The following TENM3 variants were observed in gnomAD, a reference collection of about 807,000 sequenced individuals.
TENM3 encodes the protein teneurin-3.
In TENM3, 63 loss-of-function variants were observed where a neutral mutation model predicts 255.1. That is an observed-to-expected ratio of 0.25 (90% CI 0.20 to 0.30). TENM3 has a LOEUF of 0.30. Ranked by LOEUF, TENM3 falls within the 10% of genes least tolerant of loss-of-function variation. TENM3 has a pLI of 1.00. For missense variants in TENM3, 2,929 were observed against 3,461.1 expected (o/e 0.85, Z 3.86); for synonymous variants, 1,306 against 1,322.3 (o/e 0.99, Z 0.27).
chr4:182,796,831 A>T (rs1438126937), intron 27 of TENM3, 64 bp downstream of exon 27: 1 of 1,304,100 alleles, frequency 7.7e-7, no homozygotes, highest in African/African-American at 1.5e-5. Flanking sequence ...CCCATATCTA[A>T]TCAAACTACC....
At chr4:182,190,387 G>A (rs1391817967) in intron 1 of TENM3, 2 of 152,248 alleles carry the variant, frequency 1.3e-5, no homozygotes, top group East Asian at 1.9e-4. Context: ...TTCTTTCTGC[G>A]TACCTCCCGT....
chr4:181,521,015 G>A, the TENM3 span, among the ~76,000 whole-genome samples: 15 of 152,266 alleles, frequency 9.9e-5, no homozygotes, highest in Admixed American at 3.9e-4. Context: ...CCTCTGTTGC[G>A]TGTAGGTCTC....
the TENM3 span, among the ~76,000 whole-genome samples, chr4:181,623,773 G>A: frequency 2.6e-5 from 4 of 152,218 alleles, no homozygotes; most frequent in Non-Finnish European, 4.4e-5. Flanking sequence ...TGTACAAGCA[G>A]TGTTTTGATG....
chr4:182,519,878 T>A (rs902206506), intron 3 of TENM3, among the ~76,000 whole-genome samples: 12 of 152,124 alleles, frequency 7.9e-5, no homozygotes, highest in Non-Finnish European at 1.6e-4. Context: ...ATACAGTTGT[T>A]GTATTTGGGA....
At chr4:181,462,915 C>A in the TENM3 span, among the ~76,000 whole-genome samples, 1 of 152,200 alleles carries the variant, frequency 6.6e-6, no homozygotes, top group African/African-American at 2.4e-5. Flanking sequence ...ATCCCTGTGA[C>A]CTCAGTACTA....
At chr4:182,188,528 T>G (rs1753312956) in intron 1 of TENM3, among the ~76,000 whole-genome samples, 1 of 152,214 alleles carries the variant, frequency 6.6e-6, no homozygotes, top group African/African-American at 2.4e-5. Context: ...TGATATTTTT[T>G]GGTTTTGTTT....
chr4:181,726,793 C>G, the TENM3 span, among the ~76,000 whole-genome samples: 1 of 152,180 alleles, frequency 6.6e-6, no homozygotes, highest in African/African-American at 2.4e-5. Context: ...CCCCCACTTC[C>G]AAATTTCTGA....
the TENM3 span, among the ~76,000 whole-genome samples, chr4:181,830,573 C>G: frequency 1.3e-5 from 2 of 152,076 alleles, no homozygotes; most frequent in Non-Finnish European, 2.9e-5. Context: ...GTGCCCTGCC[C>G]CAGCTTGCTT....
chr4:182,389,980 C>T (rs188298345), intron 3 of TENM3, among the ~76,000 whole-genome samples: 19 of 152,310 alleles, frequency 1.2e-4, no homozygotes, highest in East Asian at 7.7e-4. Context: ...CCACCGCGCC[C>T]GGCCCAGTAG....
At chr4:182,478,400 T>G (rs987031786) in intron 3 of TENM3, among the ~76,000 whole-genome samples, 11 of 152,166 alleles carry the variant, frequency 7.2e-5, no homozygotes, top group Non-Finnish European at 1.3e-4. Context: ...ATTCTGCTTA[T>G]GTCATTCTTA....
At chr4:182,489,282 A>AT (rs1735050387) in intron 3 of TENM3, among the ~76,000 whole-genome samples, 1 of 152,142 alleles carries the variant, frequency 6.6e-6, no homozygotes, top group Non-Finnish European at 1.5e-5. Flanking sequence ...AAATAATTGA[A>AT]TTTCTTCTCT....
At chr4:182,783,176 C>T (rs1357250234) in intron 24 of TENM3, among the ~76,000 whole-genome samples, 1 of 151,954 alleles carries the variant, frequency 6.6e-6, no homozygotes, top group Non-Finnish European at 1.5e-5. Context: ...TTTGGCATGA[C>T]TTTGCAGCAG....
chr4:182,020,632 A>C, the TENM3 span, among the ~76,000 whole-genome samples: 1 of 152,192 alleles, frequency 6.6e-6, no homozygotes, highest in African/African-American at 2.4e-5. Context: ...TACATTATAT[A>C]TATTGCAACA....
At chr4:182,624,746 C>G (rs1283328347) in intron 4 of TENM3, among the ~76,000 whole-genome samples, 1 of 152,054 alleles carries the variant, frequency 6.6e-6, no homozygotes, top group African/African-American at 2.4e-5. Flanking sequence ...TTTCATTTCT[C>G]CTGGAGGCAA....
chr4:181,482,317 C>T, the TENM3 span, among the ~76,000 whole-genome samples: 2 of 152,088 alleles, frequency 1.3e-5, no homozygotes, highest in Non-Finnish European at 2.9e-5. Context: ...TCACTTAATA[C>T]ATCAACATAA....
At chr4:181,559,323 C>G in the TENM3 span, among the ~76,000 whole-genome samples, 1 of 152,114 alleles carries the variant, frequency 6.6e-6, no homozygotes, top group Non-Finnish European at 1.5e-5. Flanking sequence ...AATGTGTATA[C>G]CGACCCACAA....
At chr4:181,634,384 CTTTTTTTT>C in the TENM3 span, among the ~76,000 whole-genome samples, 26 of 123,084 alleles carry the variant, frequency 2.1e-4, no homozygotes, top group Non-Finnish European at 3.6e-4. Context: ...TTTTTTAATT[CTTTTTTTT>C]TTTTTTTTTT....
At position 182,430,274 on chromosome 4, in the gene TENM3, C is replaced by T. The variant is rs548330595; in HGVS notation, c.511+83345C>T. Among the ~76,000 whole-genome samples the T allele has an allele frequency of 6.6e-4, 100 of 152,184 alleles. 1 individual carries two copies. Among genetic ancestry groups the T allele is most frequent in the Non-Finnish European group, 1.1e-3 (77 of 68,034 alleles). On this transcript the variant is annotated intron_variant, in intron 3 of 27. Coordinates refer to ENST00000511685, the MANE Select transcript of TENM3 (RefSeq NM_001080477.4). ...TTAAAAAGAACGACTGTAGGCCGGG[C>T]GCAGTGGCTCACGCCTGTAATCCCA...
intron 1 of TENM3, among the ~76,000 whole-genome samples, chr4:182,162,611 T>C (rs1353065152): frequency 6.6e-6 from 1 of 152,152 alleles, no homozygotes; most frequent in East Asian, 1.9e-4. Context: ...CTAGACAGTT[T>C]ATAGACAATA....
Sources: allele counts gnomAD v4.1 joint callset (sites outside exome capture counted in the v4.1 genomes callset), GRCh38; gene constraint gnomAD v4.1.1; transcripts MANE v1.5; gene names NCBI Gene and HGNC (gene_info 2026-07-23, HGNC 2026-07-21).